The following TRAPPC9 variants were observed in gnomAD, a reference collection of about 807,000 sequenced individuals.
The protein encoded by TRAPPC9 is trafficking protein particle complex subunit 9, also known as IKK2 binding protein.
Under a neutral mutation model 124.0 loss-of-function variants are expected in TRAPPC9, and 83 were observed. The observed-to-expected ratio is 0.67, with a 90% confidence interval of 0.56 to 0.80. The LOEUF (loss-of-function observed/expected upper bound fraction) is 0.80. TRAPPC9 is among the 30% of genes least tolerant of loss of function. The pLI, the probability that TRAPPC9 is intolerant of heterozygous loss-of-function variation, is 0.00. For missense variants in TRAPPC9, 1,302 were observed against 1,508.3 expected, an observed-to-expected ratio of 0.86 and a Z score of 2.27; for synonymous variants, 638 against 617.5, an observed-to-expected ratio of 1.03 and a Z score of -0.49.
At chr8:140,222,610 C>G (rs2063359869) in intron 16 of TRAPPC9, among the ~76,000 whole-genome samples, 1 of 152,230 alleles carries the variant, frequency 6.6e-6, no homozygotes, top group South Asian at 2.1e-4. Flanking sequence ...AAAGTCTGCA[C>G]TGGTCTCCAA....
At chr8:140,301,945 C>T (rs1461329585) in intron 10 of TRAPPC9, among the ~76,000 whole-genome samples, 1 of 152,252 alleles carries the variant, frequency 6.6e-6, no homozygotes, top group African/African-American at 2.4e-5. Context: ...ACCCAACCCA[C>T]ACCAAACTTG....
At chr8:140,344,903 A>G (rs965541886) in intron 9 of TRAPPC9, among the ~76,000 whole-genome samples, 1 of 152,242 alleles carries the variant, frequency 6.6e-6, no homozygotes, top group Non-Finnish European at 1.5e-5. Flanking sequence ...AGCCGTGGTC[A>G]TATCTGGGAT....
At chr8:139,975,168 G>A (rs561093160) in intron 19 of TRAPPC9, among the ~76,000 whole-genome samples, 1 of 152,270 alleles carries the variant, frequency 6.6e-6, no homozygotes, top group South Asian at 2.1e-4. Context: ...TGCCCTAGAC[G>A]AGACTTTCCA....
At chr8:139,810,810 G>C (rs908886927) in intron 21 of TRAPPC9, among the ~76,000 whole-genome samples, 6 of 149,212 alleles carry the variant, frequency 4.0e-5, no homozygotes, top group Admixed American at 2.0e-4. Context: ...GGCCAGGCCA[G>C]AGGACAGACC....
At chr8:139,855,390 A>G (rs1421790875) in intron 21 of TRAPPC9, among the ~76,000 whole-genome samples, 1 of 152,106 alleles carries the variant, frequency 6.6e-6, no homozygotes, top group East Asian at 1.9e-4. Flanking sequence ...AGGCAGGGGT[A>G]CCTTGCCATG....
At chr8:139,866,965 G>A (rs1166106535) in intron 21 of TRAPPC9, among the ~76,000 whole-genome samples, 1 of 152,168 alleles carries the variant, frequency 6.6e-6, no homozygotes, top group Non-Finnish European at 1.5e-5. Context: ...CTCCTGAGTA[G>A]CTGGGATTAT....
chr8:140,128,952 G>A (rs11995541), intron 17 of TRAPPC9, among the ~76,000 whole-genome samples: 38,722 of 146,348 alleles, frequency 0.26, 5,465 homozygotes, highest in Middle Eastern at 0.36. Flanking sequence ...ACATGTACCC[G>A]AGAACTTAAA....
At chr8:140,053,429 G>A (rs532687371) in intron 17 of TRAPPC9, among the ~76,000 whole-genome samples, 84 of 152,290 alleles carry the variant, frequency 5.5e-4, no homozygotes, top group South Asian at 1.2e-3. Flanking sequence ...AAGATACTTG[G>A]TACAATTTCA....
intron 17 of TRAPPC9, among the ~76,000 whole-genome samples, chr8:140,176,458 C>T (rs1216289374): frequency 1.3e-5 from 2 of 152,184 alleles, no homozygotes; most frequent in Admixed American, 1.3e-4. Context: ...CAGACAGTAA[C>T]GTTTCTGAGA....
At chr8:139,970,536 T>C (rs1255001375) in intron 19 of TRAPPC9, among the ~76,000 whole-genome samples, 1 of 152,102 alleles carries the variant, frequency 6.6e-6, no homozygotes, top group East Asian at 1.9e-4. Flanking sequence ...GGCCCCTTCA[T>C]ACAGCCTGTC....
Position 139,825,805 on chromosome 8 carries a change from C to T in TRAPPC9, c.3055+60074G>A, listed in dbSNP as rs530829585. 2.6e-5 allele frequency among the ~76,000 whole-genome samples: 4 copies of T among 152,094 alleles called. No individual in the cohort carries two copies. The highest frequency in any genetic ancestry group is 2.1e-4 in the South Asian group (1 of 4,804). ...AGCCTCCGAGACAACAGCCGTGAGA[C>T]GATGGCCGGAGCTGAGTGTCAACGC... On this transcript the variant is annotated intron_variant, in intron 21 of 22. Coordinates refer to ENST00000438773, the MANE Select transcript of TRAPPC9 (RefSeq NM_001160372.4). The surrounding 1 kb of genome is among the most constrained non-coding windows in gnomAD (Gnocchi z 4.6).
At chr8:139,884,110 G>C (rs145060272) in intron 21 of TRAPPC9, among the ~76,000 whole-genome samples, 1 of 152,076 alleles carries the variant, frequency 6.6e-6, no homozygotes, top group East Asian at 1.9e-4. Context: ...ATTTGTAAAC[G>C]TGTCTGGCAC....
intron 21 of TRAPPC9, among the ~76,000 whole-genome samples, chr8:139,842,537 G>A (rs1163273720): frequency 1.3e-5 from 2 of 152,190 alleles, no homozygotes; most frequent in Admixed American, 6.5e-5. Context: ...AATAAACACA[G>A]TCGGCAGGCG....
chr8:139,924,289 A>G (rs1832676730), intron 19 of TRAPPC9, among the ~76,000 whole-genome samples: 1 of 152,210 alleles, frequency 6.6e-6, no homozygotes, highest in Non-Finnish European at 1.5e-5. Flanking sequence ...CTGGGCACAG[A>G]GCATGCACCT....
At chr8:140,304,613 T>C (rs2066072825) in intron 10 of TRAPPC9, among the ~76,000 whole-genome samples, 1 of 152,186 alleles carries the variant, frequency 6.6e-6, no homozygotes, top group South Asian at 2.1e-4. Flanking sequence ...ATTTAACTAC[T>C]GCACACAGAT....
intron 17 of TRAPPC9, among the ~76,000 whole-genome samples, chr8:140,033,668 T>G (rs1233405750): frequency 1.4e-4 from 10 of 71,150 alleles, no homozygotes; most frequent in African/African-American, 7.5e-4. Flanking sequence ...GTTTTTTTTT[T>G]TTTTTTTTTT....
At chr8:140,418,227 G>C (rs941594110) in intron 5 of TRAPPC9, among the ~76,000 whole-genome samples, 20 of 152,000 alleles carry the variant, frequency 1.3e-4, no homozygotes, top group Non-Finnish European at 2.5e-4. Flanking sequence ...TAAAAATAAA[G>C]AAAGGCCAGG....
chr8:140,408,828 C>T (rs2069590971), intron 5 of TRAPPC9, among the ~76,000 whole-genome samples: 1 of 150,512 alleles, frequency 6.6e-6, no homozygotes, highest in Non-Finnish European at 1.5e-5. Context: ...AAATCAAACC[C>T]ACACCTCACA....
chr8:140,234,926 C>T (rs1298764017), intron 16 of TRAPPC9, among the ~76,000 whole-genome samples: 1 of 152,074 alleles, frequency 6.6e-6, no homozygotes, highest in Non-Finnish European at 1.5e-5. Context: ...TAGTGCTAAC[C>T]AAGAGGAAAA....
Sources: allele counts gnomAD v4.1 joint callset (sites outside exome capture counted in the v4.1 genomes callset), GRCh38; gene constraint gnomAD v4.1.1; non-coding constraint Gnocchi (gnomAD v3.1); transcripts MANE v1.5; gene names NCBI Gene and HGNC (gene_info 2026-07-23, HGNC 2026-07-21).